ROBO2: variants seen among roughly 807,000 people sequenced by gnomAD.
The protein encoded by ROBO2 is roundabout guidance receptor 2.
Under a neutral mutation model 160.8 loss-of-function variants are expected in ROBO2, and 53 were observed. The observed-to-expected ratio is 0.33, with a 90% CI of 0.26 to 0.41. ROBO2 has a LOEUF of 0.41. ROBO2 is among the 10% of genes least tolerant of loss of function. The probability of loss-of-function intolerance (pLI) is 1.00; values close to 1 mark genes in which losing one functional copy is unlikely to be tolerated. For missense variants in ROBO2, 1,577 were observed against 1,722.4 expected, an observed-to-expected ratio of 0.92 and a Z score of 1.49; for synonymous variants, 664 against 611.7, an observed-to-expected ratio of 1.09 and a Z score of -1.26.
At chr3:76,897,376 G>A (rs1377555609) in intron 2 of ROBO2, among the ~76,000 whole-genome samples, 2 of 152,104 alleles carry the variant, frequency 1.3e-5, no homozygotes, top group East Asian at 3.9e-4. Flanking sequence ...TAATTTTTAT[G>A]AGGCCTGGAA....
chr3:76,982,486 A>G (rs1202469189), intron 2 of ROBO2, among the ~76,000 whole-genome samples: 2 of 152,134 alleles, frequency 1.3e-5, no homozygotes, highest in Non-Finnish European at 2.9e-5. Context: ...TTTGTAGTAA[A>G]TTTTGAAATT....
intron 2 of ROBO2, among the ~76,000 whole-genome samples, chr3:77,288,421 C>G (rs1342453521): frequency 6.6e-6 from 1 of 152,176 alleles, no homozygotes; most frequent in African/African-American, 2.4e-5. Flanking sequence ...GACTGTTTTT[C>G]TGGACATGTA....
chr3:77,108,372 C>T (rs2073135425), intron 2 of ROBO2, among the ~76,000 whole-genome samples: 1 of 151,828 alleles, frequency 6.6e-6, no homozygotes, highest in South Asian at 2.1e-4. Context: ...TGTGATCCCA[C>T]TCACTGTGTT....
At chr3:76,182,714 G>A (rs1176406521) in intron 2 of ROBO2, among the ~76,000 whole-genome samples, 1 of 152,126 alleles carries the variant, frequency 6.6e-6, no homozygotes, top group Non-Finnish European at 1.5e-5. Flanking sequence ...AAGTCAGGAG[G>A]CGCAAATTAG....
At chr3:76,197,638 G>A (rs1702324637) in intron 2 of ROBO2, among the ~76,000 whole-genome samples, 2 of 152,132 alleles carry the variant, frequency 1.3e-5, no homozygotes, top group African/African-American at 4.8e-5. Context: ...TTCCTAAGTA[G>A]TGAAGGTATT....
chr3:77,225,166 C>G (rs2086323236), intron 2 of ROBO2, among the ~76,000 whole-genome samples: 1 of 151,822 alleles, frequency 6.6e-6, no homozygotes, highest in Admixed American at 6.6e-5. Context: ...CTGCTATATA[C>G]TTCATTGTTC....
intron 2 of ROBO2, among the ~76,000 whole-genome samples, chr3:77,128,760 A>G (rs1045950533): frequency 6.6e-6 from 1 of 152,210 alleles, no homozygotes; most frequent in African/African-American, 2.4e-5. Context: ...ATATGAATAT[A>G]TGAACTATGA....
intron 1 of ROBO2, among the ~76,000 whole-genome samples, chr3:77,066,613 G>A (rs559043937): frequency 5.3e-5 from 8 of 152,124 alleles, no homozygotes; most frequent in Non-Finnish European, 1.0e-4. Context: ...AGGGAAATAA[G>A]TTAATGTATA....
At chr3:76,798,288 G>GAAAGAAAGA (rs1488185297) in intron 2 of ROBO2, among the ~76,000 whole-genome samples, 1 of 147,790 alleles carries the variant, frequency 6.8e-6, no homozygotes, top group African/African-American at 2.5e-5. Context: ...AAGAAAGAAA[G>GAAAGAAAGA]AAAGAAAGAA....
intron 2 of ROBO2, among the ~76,000 whole-genome samples, chr3:76,678,182 G>A (rs9834779): frequency 0.5 from 75,642 of 151,288 alleles, 19,284 homozygotes; most frequent in East Asian, 0.77. Flanking sequence ...TGTTGGCCAA[G>A]CTGGTCTCAA....
chr3:76,279,361 T>C (rs148202745), intron 2 of ROBO2, among the ~76,000 whole-genome samples: 2,144 of 151,994 alleles, frequency 0.014, 44 homozygotes, highest in African/African-American at 0.049. Context: ...TCTGAAAATA[T>C]AACTCCAAGT....
intron 2 of ROBO2, among the ~76,000 whole-genome samples, chr3:75,997,496 A>ATTTTTTTTTTTT (rs1414362363): frequency 2.1e-5 from 1 of 46,564 alleles, no homozygotes; most frequent in Admixed American, 2.8e-4. Flanking sequence ...TTGTTCATCC[A>ATTTTTTTTTTTT]TTCTTTTTTT....
intron 2 of ROBO2, among the ~76,000 whole-genome samples, chr3:76,207,687 A>G (rs989207867): frequency 4.6e-5 from 7 of 152,326 alleles, no homozygotes; most frequent in African/African-American, 1.7e-4. Flanking sequence ...TGAAAAATCA[A>G]TGGATTAAAT....
chr3:76,157,595 T>TG (rs992619381), intron 2 of ROBO2, among the ~76,000 whole-genome samples: 4 of 152,030 alleles, frequency 2.6e-5, no homozygotes, highest in Admixed American at 6.6e-5. Flanking sequence ...TTCTCATTTA[T>TG]GGGGGGGCTG....
chr3:76,293,358 GC>G (rs1368551076), intron 2 of ROBO2, among the ~76,000 whole-genome samples: 1 of 152,174 alleles, frequency 6.6e-6, no homozygotes, highest in Non-Finnish European at 1.5e-5. Context: ...CAGGCAGGGG[GC>G]CTTTCCCTTG....
chr3:77,082,773 G>A (rs1455236873), intron 1 of ROBO2, among the ~76,000 whole-genome samples: 4 of 151,530 alleles, frequency 2.6e-5, no homozygotes, highest in African/African-American at 9.7e-5. Flanking sequence ...ATGTACTTGT[G>A]ATGAGTGAAT....
intron 1 of ROBO2, among the ~76,000 whole-genome samples, chr3:75,934,554 A>G (rs1947688107): frequency 6.6e-6 from 1 of 152,138 alleles, no homozygotes; most frequent in Non-Finnish European, 1.5e-5. Context: ...ACTAATACCA[A>G]AGTTAGTTAG....
chr3:77,494,005 C>T (rs1056085999), intron 5 of ROBO2, among the ~76,000 whole-genome samples: 1 of 152,154 alleles, frequency 6.6e-6, no homozygotes, highest in Admixed American at 6.5e-5. Flanking sequence ...CCCAATCTCT[C>T]AAACTCTAAC....
At chr3:76,861,203 G>C (rs746136124) in intron 2 of ROBO2, among the ~76,000 whole-genome samples, 1 of 152,160 alleles carries the variant, frequency 6.6e-6, no homozygotes, top group Non-Finnish European at 1.5e-5. Flanking sequence ...GTATAAGAGG[G>C]AAGGGCAAGG....
Sources: allele counts gnomAD v4.1 joint callset (sites outside exome capture counted in the v4.1 genomes callset), GRCh38; gene constraint gnomAD v4.1.1; transcripts MANE v1.5; gene names NCBI Gene and HGNC (gene_info 2026-07-23, HGNC 2026-07-21).